Variants in CABLES1 observed in about 807,000 individuals in gnomAD.
CABLES1 encodes the protein Cdk5 and Abl enzyme substrate 1.
Under a neutral mutation model 57.8 loss-of-function variants are expected in CABLES1, and 36 were observed. That is an observed-to-expected ratio of 0.62 (90% CI 0.48 to 0.82). CABLES1 has a LOEUF of 0.82. Ranked by LOEUF, CABLES1 falls within the 40% of genes least tolerant of loss-of-function variation. CABLES1 has a pLI of 0.00. For synonymous variants in CABLES1, 374 were observed against 363.0 expected (o/e 1.03, Z -0.35); for missense variants, 767 against 836.6 (o/e 0.92, Z 1.03).
intron 1 of CABLES1, among the ~76,000 whole-genome samples, chr18:23,141,255 T>TA (rs1462379482): frequency 2.0e-5 from 3 of 152,190 alleles, no homozygotes; most frequent in African/African-American, 4.8e-5. Context: ...TCAGCTGACT[T>TA]AGAGCTTCTG....
Position 23,249,811 on chromosome 18 carries a change from C to T in CABLES1, c.1447-3149C>T, listed in dbSNP as rs368052227. On this transcript the variant is annotated intron_variant, in intron 7 of 9. Coordinates refer to ENST00000256925, the MANE Select transcript of CABLES1 (RefSeq NM_001100619.3). ...TCTTCTCGGACATCCTGGTGAGAGCCCTTGTCTAGGGAGCTACTCTGTGCT... is the reference window on the plus strand; with the variant it reads ...TCTTCTCGGACATCCTGGTGAGAGCTCTTGTCTAGGGAGCTACTCTGTGCT... 9.1e-4 allele frequency among the ~76,000 whole-genome samples: 138 copies of T among 152,148 alleles called. 1 individual carries two copies. Among genetic ancestry groups the T allele is most frequent in the Non-Finnish European group, 1.4e-3 (98 of 68,002 alleles).
intron 3 of CABLES1, among the ~76,000 whole-genome samples, chr18:23,195,815 C>G (rs575832927): frequency 1.2e-3 from 178 of 152,220 alleles, no homozygotes; most frequent in Non-Finnish European, 2.3e-3. Flanking sequence ...TTAACCATTG[C>G]TATTGTTTTC....
rs1024463280 is a variant in CABLES1 at position 23,260,367 on chromosome 18, G to A, written c.*3000G>A. 5 of 152,204 alleles carry A rather than the reference G, an allele frequency of 3.3e-5. No homozygotes were observed. Among genetic ancestry groups the A allele is most frequent in the Admixed American group, 6.5e-5 (1 of 15,274 alleles). 9.4% of individuals were successfully genotyped at this position (152,204 alleles called of 1,614,324 possible). A position where few individuals can be genotyped will look rare whatever the true frequency, so the allele number is the denominator to read the frequency against. ...CTTCACACAAGCCACTCTGTACCAC[G>A]TGCCCTACCTTAGTGACGGGAGTAA... On this transcript the variant is annotated 3_prime_UTR_variant, in exon 10 of 10. Transcript: ENST00000256925.
At chr18:23,156,285 G>A (rs1039455564) in intron 1 of CABLES1, among the ~76,000 whole-genome samples, 3 of 152,204 alleles carry the variant, frequency 2.0e-5, no homozygotes, top group African/African-American at 7.2e-5. Flanking sequence ...GTGCTTCTGA[G>A]CTCCATAGAC....
chr18:23,234,932 T>A (rs1372244382), intron 5 of CABLES1, among the ~76,000 whole-genome samples: 3 of 152,208 alleles, frequency 2.0e-5, no homozygotes, highest in Non-Finnish European at 2.9e-5. Flanking sequence ...GTCAGTGCTG[T>A]TTACAACTGA....
At chr18:23,142,094 G>A (rs757686360) in intron 1 of CABLES1, among the ~76,000 whole-genome samples, 2 of 152,114 alleles carry the variant, frequency 1.3e-5, no homozygotes, top group African/African-American at 2.4e-5. Context: ...CACGTGTCTC[G>A]GTCCTGTGGC....
chr18:23,142,087 G>A (rs1055203281), intron 1 of CABLES1, among the ~76,000 whole-genome samples: 3 of 152,136 alleles, frequency 2.0e-5, no homozygotes, highest in African/African-American at 7.2e-5. Flanking sequence ...ACCATTCCAC[G>A]TGTCTCGGTC....
intron 3 of CABLES1, among the ~76,000 whole-genome samples, chr18:23,201,555 A>G (rs1171067301): frequency 6.6e-6 from 1 of 152,258 alleles, no homozygotes; most frequent in African/African-American, 2.4e-5. Flanking sequence ...CCATACAGAC[A>G]GAAAGTAGAT....
intron 1 of CABLES1, among the ~76,000 whole-genome samples, chr18:23,156,792 T>G (rs1273959134): frequency 6.6e-6 from 1 of 152,220 alleles, no homozygotes; most frequent in Non-Finnish European, 1.5e-5. Context: ...AACATGTTTT[T>G]TCTCTGTAAG....
rs137932016 is a variant in CABLES1 at position 23,199,403 on chromosome 18, C to T, written c.1010+4863C>T. Among the ~76,000 whole-genome samples, 271 of 152,188 alleles carry T rather than the reference C, an allele frequency of 1.8e-3. 2 individuals are homozygous for T. The highest frequency in any genetic ancestry group is 2.2e-4 in the Non-Finnish European group (15 of 68,026). The stretch of plus-strand genomic sequence containing the variant: ...ATAGGTATTCAGACAGATATTTATA[C>T]ACCAATGCAGTGTTATTCATAATAG... On this transcript the variant is annotated intron_variant, in intron 3 of 9. Transcript: ENST00000256925.
At chr18:23,193,101 A>G (rs1003492657) in intron 2 of CABLES1, among the ~76,000 whole-genome samples, 5 of 152,100 alleles carry the variant, frequency 3.3e-5, no homozygotes, top group Non-Finnish European at 5.9e-5. Context: ...GGGAGTGTCA[A>G]TCCCAACCCC....
chr18:23,140,241 A>AT (rs1202448162), intron 1 of CABLES1, among the ~76,000 whole-genome samples: 1 of 152,120 alleles, frequency 6.6e-6, no homozygotes, highest in Non-Finnish European at 1.5e-5. Context: ...TAAGGCCTAC[A>AT]TTAAGGCTTC....
chr18:23,177,136 T>A (rs1252916685), intron 1 of CABLES1, among the ~76,000 whole-genome samples: 1 of 152,100 alleles, frequency 6.6e-6, no homozygotes, highest in Non-Finnish European at 1.5e-5. Flanking sequence ...CGTATCTGGC[T>A]TAGAAAGTCT....
chr18:23,165,761 A>G (rs773289661), intron 1 of CABLES1, among the ~76,000 whole-genome samples: 4 of 152,238 alleles, frequency 2.6e-5, no homozygotes, highest in Non-Finnish European at 2.9e-5. Flanking sequence ...TCTTCGATGG[A>G]CACTTGGTTG....
chr18:23,163,052 A>G (rs1225393776), intron 1 of CABLES1, among the ~76,000 whole-genome samples: 1 of 152,138 alleles, frequency 6.6e-6, no homozygotes, highest in Non-Finnish European at 1.5e-5. Context: ...GAAATAGACA[A>G]CAGTCCTTGG....
intron 1 of CABLES1, among the ~76,000 whole-genome samples, chr18:23,169,710 T>C (rs1451006182): frequency 6.6e-6 from 1 of 152,222 alleles, no homozygotes. Context: ...GCTTGCTTTC[T>C]AACACAGCAG....
At chr18:23,206,354 C>T (rs2047363433) in intron 3 of CABLES1, among the ~76,000 whole-genome samples, 1 of 152,246 alleles carries the variant, frequency 6.6e-6, no homozygotes, top group Admixed American at 6.5e-5. Flanking sequence ...CCACCCTCAG[C>T]TACGCTGAAT....
At chr18:23,171,320 C>T (rs1264354893) in intron 1 of CABLES1, among the ~76,000 whole-genome samples, 1 of 152,196 alleles carries the variant, frequency 6.6e-6, no homozygotes. Context: ...TCTAGTCATC[C>T]TGGATTCCAC....
At chr18:23,250,288 C>T (rs74332099) in intron 7 of CABLES1, among the ~76,000 whole-genome samples, 12,305 of 152,202 alleles carry the variant, frequency 0.081, 656 homozygotes, top group Middle Eastern at 0.16. Context: ...TGACTTTCCT[C>T]TGTAGAGGAA....
Sources: gnomAD v4.1 joint callset for allele counts (sites outside exome capture counted in the v4.1 genomes callset) on GRCh38, gnomAD v4.1.1 for gene constraint, MANE v1.5 for transcripts, NCBI Gene and HGNC (gene_info 2026-07-23, HGNC 2026-07-21) for gene names.